The following ARID2 variants were observed in gnomAD, a reference collection of about 807,000 sequenced individuals.
The protein encoded by ARID2 is AT-rich interactive domain-containing protein 2.
Under a neutral mutation model 184.6 loss-of-function variants are expected in ARID2, and 32 were observed. The ratio of observed to expected loss-of-function variants is 0.17; its 90% CI spans 0.13 to 0.23. ARID2 has a LOEUF of 0.23. Ranked by LOEUF, ARID2 falls within the 10% of genes least tolerant of loss-of-function variation. The pLI, the probability that ARID2 is intolerant of heterozygous loss-of-function variation, is 1.00. For missense variants in ARID2, 1,696 were observed against 2,197.6 expected (o/e 0.77, Z 4.56); for synonymous variants, 836 against 772.6 (o/e 1.08, Z -1.36).
At chr12:45,856,987 T>G (rs1943662649) in intron 15 of ARID2, among the ~76,000 whole-genome samples, 1 of 152,114 alleles carries the variant, frequency 6.6e-6, no homozygotes, top group African/African-American at 2.4e-5. Flanking sequence ...ACATATTTGC[T>G]AAATGGCATA....
intron 3 of ARID2, among the ~76,000 whole-genome samples, chr12:45,800,072 A>G (rs1395359960): frequency 2.0e-5 from 3 of 151,966 alleles, no homozygotes; most frequent in Non-Finnish European, 2.9e-5. Flanking sequence ...GCAGTCTCGA[A>G]CTCCTGGGAT....
intron 16 of ARID2, among the ~76,000 whole-genome samples, chr12:45,883,837 A>T (rs1435602646): frequency 1.3e-5 from 2 of 152,072 alleles, no homozygotes; most frequent in African/African-American, 4.8e-5. Flanking sequence ...AAATAAGATG[A>T]TATATGTGAA....
chr12:45,746,702 T>C (rs953382489), intron 3 of ARID2, among the ~76,000 whole-genome samples: 2 of 152,170 alleles, frequency 1.3e-5, no homozygotes, highest in African/African-American at 4.8e-5. Flanking sequence ...ATCCTGGTAT[T>C]ATAGATGAGA....
intron 10 of ARID2, among the ~76,000 whole-genome samples, 164 bp downstream of exon 10, chr12:45,837,871 T>A (rs1943249440): frequency 6.6e-6 from 1 of 152,244 alleles, no homozygotes. Context: ...ATGCTTTAAA[T>A]TCAGTGATGG....
At chr12:45,795,543 C>T (rs1942375788) in intron 3 of ARID2, among the ~76,000 whole-genome samples, 1 of 152,128 alleles carries the variant, frequency 6.6e-6, no homozygotes, top group Admixed American at 6.5e-5. Flanking sequence ...CGCCATTCTC[C>T]TGCCTCAGCC....
rs1179922706 is a variant in ARID2, at chr12:45,851,710, T to G, written c.3587T>G (p.Ile1196Ser). ...AGTCAGGGAAATGCAACTCAGCTCA[T>G]TGCTCCAGCAGGAATTACCATGAGC... ...TVSQGNATQL[I>S]APAGITMSGT... Residue 1196 changes from isoleucine (I) to serine (S), a missense_variant, in exon 15 of 21, where the codon ATT becomes AGT. Transcript: ENST00000334344. The G allele has an allele frequency of 6.2e-7, 1 of 1,614,130 alleles. No individual in the cohort carries two copies. The highest frequency in any genetic ancestry group is 1.3e-5 in the African/African-American group (1 of 75,056).
chr12:45,795,634 C>T (rs919484298), intron 3 of ARID2, among the ~76,000 whole-genome samples: 3 of 152,014 alleles, frequency 2.0e-5, no homozygotes, highest in African/African-American at 7.2e-5. Flanking sequence ...GACGGGGTTT[C>T]ACTGTGTTAG....
intron 16 of ARID2, among the ~76,000 whole-genome samples, chr12:45,885,478 T>C (rs967185560): frequency 1.3e-5 from 2 of 151,924 alleles, no homozygotes; most frequent in African/African-American, 4.8e-5. Context: ...TTTGTTTCAG[T>C]AGGAAGGCTA....
At chr12:45,778,408 G>A (rs1255039117) in intron 3 of ARID2, among the ~76,000 whole-genome samples, 1 of 152,080 alleles carries the variant, frequency 6.6e-6, no homozygotes, top group East Asian at 1.9e-4. Flanking sequence ...TACATTTCGT[G>A]TAAAAAAGAA....
chr12:45,745,115 G>T (rs1941331059), intron 3 of ARID2, among the ~76,000 whole-genome samples: 1 of 152,168 alleles, frequency 6.6e-6, no homozygotes, highest in Admixed American at 6.5e-5. Context: ...TATTTAAAGG[G>T]CTAAGTTGAA....
At chr12:45,864,591 A>G (rs190762070) in intron 16 of ARID2, among the ~76,000 whole-genome samples, 1 of 151,064 alleles carries the variant, frequency 6.6e-6, no homozygotes, top group East Asian at 1.9e-4. Flanking sequence ...ACTGTTTAGC[A>G]TGTTACTCTG....
chr12:45,779,202 T>G (rs1942042479), intron 3 of ARID2, among the ~76,000 whole-genome samples: 1 of 152,042 alleles, frequency 6.6e-6, no homozygotes, highest in Non-Finnish European at 1.5e-5. Context: ...CCTTTTATAT[T>G]TCTAGAGGGG....
At chr12:45,810,932 G>A (rs185313785) in intron 3 of ARID2, among the ~76,000 whole-genome samples, 596 of 151,768 alleles carry the variant, frequency 3.9e-3, no homozygotes, top group Middle Eastern at 0.01. Flanking sequence ...CATTGAGGCC[G>A]GGCGCGGTGG....
chr12:45,847,222 T>C (rs1943459465), intron 12 of ARID2, among the ~76,000 whole-genome samples: 1 of 152,164 alleles, frequency 6.6e-6, no homozygotes, highest in African/African-American at 2.4e-5. Context: ...GTTAAAAAGT[T>C]ATCTTTCACT....
intron 3 of ARID2, among the ~76,000 whole-genome samples, chr12:45,778,736 A>T (rs1008140212): frequency 6.6e-6 from 1 of 152,010 alleles, no homozygotes; most frequent in Non-Finnish European, 1.5e-5. Context: ...TTCAAAAATC[A>T]TATAATATTT....
At chr12:45,785,720 A>T (rs979247421) in intron 3 of ARID2, among the ~76,000 whole-genome samples, 3 of 152,178 alleles carry the variant, frequency 2.0e-5, no homozygotes, top group African/African-American at 7.2e-5. Context: ...TTCCCAAAAA[A>T]ACACAAAAAC....
At chr12:45,756,647 CA>C (rs1941577452) in intron 3 of ARID2, among the ~76,000 whole-genome samples, 1 of 152,216 alleles carries the variant, frequency 6.6e-6, no homozygotes, top group Non-Finnish European at 1.5e-5. Context: ...CTGTAACATT[CA>C]AGGCATGGGT....
At chr12:45,754,826 A>T (rs765964913) in intron 3 of ARID2, among the ~76,000 whole-genome samples, 25 of 152,218 alleles carry the variant, frequency 1.6e-4, no homozygotes, top group Admixed American at 9.2e-4. Context: ...ATTAGTGCAT[A>T]GGAGTTACCT....
At chr12:45,881,787 C>T in intron 16 of ARID2, 1 of 215,940 alleles carries the variant, frequency 4.6e-6, no homozygotes. Context: ...ATCAAGGGTC[C>T]TGGACTGAGA....
Sources: gnomAD v4.1 joint callset for allele counts (sites outside exome capture counted in the v4.1 genomes callset) on GRCh38, gnomAD v4.1.1 for gene constraint, MANE v1.5 for transcripts, NCBI Gene and HGNC (gene_info 2026-07-23, HGNC 2026-07-21) for gene names.